The following PRKN variants were observed in gnomAD, a reference collection of about 807,000 sequenced individuals.
PRKN encodes E3 ubiquitin-protein ligase parkin.
PRKN carries 56 observed loss-of-function variants against 59.5 expected under a neutral mutation model. The ratio of observed to expected loss-of-function variants is 0.94; its 90% CI spans 0.76 to 1.18. The LOEUF (loss-of-function observed/expected upper bound fraction) is 1.18, where lower values mean the gene tolerates loss of function less well. PRKN is among the 50% of genes most tolerant of loss of function. The pLI, the probability that PRKN is intolerant of heterozygous loss-of-function variation, is 0.00. For missense variants in PRKN, 657 were observed against 596.4 expected (o/e 1.10, Z -1.06); for synonymous variants, 250 against 222.1 (o/e 1.13, Z -1.12).
At chr6:162,442,289 C>A (rs939491524) in intron 2 of PRKN, among the ~76,000 whole-genome samples, 1 of 152,136 alleles carries the variant, frequency 6.6e-6, no homozygotes, top group African/African-American at 2.4e-5. Flanking sequence ...ACCCAGGAGC[C>A]CCCCTGCGCG....
At position 161,433,962 on chromosome 6, in the gene PRKN, A is replaced by C. The variant is rs539535374; in HGVS notation, c.1084-47085T>G. Among the ~76,000 whole-genome samples the C allele has an allele frequency of 7.2e-5, 11 of 152,228 alleles. No individual in the cohort carries two copies. In the South Asian group the frequency reaches 2.3e-3, roughly 32 times the overall value. On this transcript the variant is annotated intron_variant, in intron 9 of 11. Transcript: ENST00000366898. ...AACCCGGGAGGCAGAGGTTGCAGTGAGTTGAGATCACGCCATTGCATTCCA... is the reference window on the plus strand; with the variant it reads ...AACCCGGGAGGCAGAGGTTGCAGTGCGTTGAGATCACGCCATTGCATTCCA...
chr6:162,510,787 G>A (rs1184538126), intron 1 of PRKN, among the ~76,000 whole-genome samples: 1 of 152,050 alleles, frequency 6.6e-6, no homozygotes, highest in African/African-American at 2.4e-5. Flanking sequence ...GCCAGGTGTG[G>A]TGGTATGCGC....
At position 161,554,868 on chromosome 6, in the gene PRKN, T is replaced by C. The variant is rs1780176355; in HGVS notation, c.934-5865A>G. Among the ~76,000 whole-genome samples the C allele has an allele frequency of 6.6e-6, 1 of 152,010 alleles. No individual in the cohort carries two copies. Among genetic ancestry groups the C allele is most frequent in the Non-Finnish European group, 1.5e-5 (1 of 67,974 alleles). On this transcript the variant is annotated intron_variant, in intron 8 of 11. Coordinates refer to ENST00000366898, the MANE Select transcript of PRKN (RefSeq NM_004562.3). The surrounding 1 kb of genome is among the most constrained non-coding windows in gnomAD (Gnocchi z 4.5). The stretch of plus-strand genomic sequence containing the variant: ...GCCTGAAAATAATGTTTTTTTCCTT[T>C]GTAAATTAATTGCCCTCTTTTGCCT...
intron 1 of PRKN, among the ~76,000 whole-genome samples, chr6:162,627,077 G>C (rs1164159738): frequency 6.6e-6 from 1 of 152,116 alleles, no homozygotes; most frequent in African/African-American, 2.4e-5. Flanking sequence ...TGCAGTGCTG[G>C]AGACTGAGAT....
intron 5 of PRKN, among the ~76,000 whole-genome samples, chr6:161,996,983 T>G (rs934047512): frequency 6.6e-6 from 1 of 152,052 alleles, no homozygotes. Flanking sequence ...ACAACTGAAA[T>G]GACCCATAAA....
rs934094580 is a variant in PRKN at position 161,473,016 on chromosome 6, G to A, written c.1083+75838C>T. ...ATAACAAGCGGTAGCACGGGTTGGAGAAAAGGGAACCCTGACATGCTGTTG... is the reference window on the plus strand; with the variant it reads ...ATAACAAGCGGTAGCACGGGTTGGAAAAAAGGGAACCCTGACATGCTGTTG... On this transcript the variant is annotated intron_variant, in intron 9 of 11. Coordinates refer to ENST00000366898, the MANE Select transcript of PRKN (RefSeq NM_004562.3). The surrounding 1 kb of genome is among the most constrained non-coding windows in gnomAD (Gnocchi z 4.1). Among the ~76,000 whole-genome samples, 2 of 152,132 alleles carry A rather than the reference G, an allele frequency of 1.3e-5. No individual in the cohort carries two copies. Among genetic ancestry groups the A allele is most frequent in the East Asian group, 1.9e-4 (1 of 5,194 alleles).
chr6:161,672,432 T>C (rs1157192938), intron 7 of PRKN, among the ~76,000 whole-genome samples: 3 of 152,194 alleles, frequency 2.0e-5, no homozygotes, highest in Admixed American at 2.0e-4. Flanking sequence ...AACTATGATA[T>C]GGTATTCTAA....
intron 1 of PRKN, among the ~76,000 whole-genome samples, chr6:162,455,186 A>C (rs1790809878): frequency 6.6e-6 from 1 of 152,150 alleles, no homozygotes; most frequent in African/African-American, 2.4e-5. Context: ...TATATCACCC[A>C]GGAGACAAAC....
At chr6:162,348,577 T>TATA (rs1293277917) in intron 2 of PRKN, among the ~76,000 whole-genome samples, 1 of 152,146 alleles carries the variant, frequency 6.6e-6, no homozygotes, top group Admixed American at 6.5e-5. Context: ...AAATCAATTA[T>TATA]ATAAAACAGG....
chr6:161,394,819 T>A (rs1786679686), intron 9 of PRKN, among the ~76,000 whole-genome samples: 1 of 152,188 alleles, frequency 6.6e-6, no homozygotes, highest in Non-Finnish European at 1.5e-5. Context: ...CTGACAATGG[T>A]TCTGCTGGGA....
intron 11 of PRKN, among the ~76,000 whole-genome samples, chr6:161,358,979 A>G (rs1784873524): frequency 6.6e-6 from 1 of 151,604 alleles, no homozygotes; most frequent in Admixed American, 6.6e-5. Context: ...TATTTTTAGT[A>G]GAGACGGGGT....
rs1446831037 is a variant in PRKN, at chr6:161,647,594, CA to C, written c.872-78179del. ...ACTCAGAGAGTATATTCCTTGTCAA[CA>C]TTTTTTTTTTTCAATAGAAATAGTA... On this transcript the variant is annotated intron_variant, in intron 7 of 11. Transcript: ENST00000366898. Among the ~76,000 whole-genome samples the C allele has an allele frequency of 4.4e-5, 3 of 67,682 alleles. No homozygotes were observed. The African/African-American group carries it at 5.7e-4, about 13-fold the overall frequency. 44.4% of individuals were successfully genotyped at this position (67,682 alleles called of 152,430 possible).
chr6:162,183,545 C>G (rs908996809), intron 4 of PRKN, among the ~76,000 whole-genome samples: 9 of 152,172 alleles, frequency 5.9e-5, no homozygotes, highest in Admixed American at 5.9e-4. Flanking sequence ...CTGTAAGCCT[C>G]TCTGTCTTAT....
intron 1 of PRKN, among the ~76,000 whole-genome samples, chr6:162,498,393 C>CTTTTTT (rs60024002): frequency 0.12 from 2,559 of 21,482 alleles, 617 homozygotes; most frequent in Non-Finnish European, 0.17. Context: ...TCTTTCTTTC[C>CTTTTTT]TTTTTTTTTT....
intron 7 of PRKN, among the ~76,000 whole-genome samples, chr6:161,688,952 G>T (rs190501235): frequency 6.6e-6 from 1 of 152,298 alleles, no homozygotes; most frequent in East Asian, 1.9e-4. Context: ...AGGTTAGTCT[G>T]CAGAGCTGAC....
intron 6 of PRKN, among the ~76,000 whole-genome samples, chr6:161,796,603 C>T (rs148170239): frequency 4.1e-4 from 62 of 152,258 alleles, no homozygotes; most frequent in Admixed American, 1.2e-3. Flanking sequence ...AAAATTATCA[C>T]GATACTTTCC....
Position 162,558,202 on chromosome 6 carries a change from A to G in PRKN, c.8-114729T>C, listed in dbSNP as rs191881774. 7.0e-4 allele frequency among the ~76,000 whole-genome samples: 106 copies of G among 152,284 alleles called. No individual in the cohort carries two copies. In the East Asian group the frequency reaches 9.6e-3, roughly 14 times the overall value. ...TATGCCATCATCTTTACTAACAAGT[A>G]TATTATCAGGAATCTCAAAGAAAGT... On this transcript the variant is annotated intron_variant, in intron 1 of 11. Coordinates refer to ENST00000366898, the MANE Select transcript of PRKN (RefSeq NM_004562.3).
chr6:161,813,126 G>C (rs937366186), intron 6 of PRKN, among the ~76,000 whole-genome samples: 10 of 152,214 alleles, frequency 6.6e-5, no homozygotes. Flanking sequence ...AGGAAGACCA[G>C]ATGCTTAACC....
intron 2 of PRKN, among the ~76,000 whole-genome samples, chr6:162,432,098 T>C (rs1163924955): frequency 6.6e-6 from 1 of 152,176 alleles, no homozygotes; most frequent in Admixed American, 6.5e-5. Context: ...GAATAACCAA[T>C]GTATAATTGG....
Sources: allele counts gnomAD v4.1 joint callset (sites outside exome capture counted in the v4.1 genomes callset), GRCh38; gene constraint gnomAD v4.1.1; non-coding constraint Gnocchi (gnomAD v3.1); transcripts MANE v1.5; gene names NCBI Gene and HGNC (gene_info 2026-07-23, HGNC 2026-07-21).